The following PTPRT variants were observed in gnomAD, a reference collection of about 807,000 sequenced individuals.
PTPRT encodes the protein receptor-type tyrosine-protein phosphatase T.
Under a neutral mutation model 176.8 loss-of-function variants are expected in PTPRT, and 56 were observed. The ratio of observed to expected loss-of-function variants is 0.32; its 90% CI spans 0.26 to 0.40. PTPRT has a LOEUF of 0.40. PTPRT is among the 10% of genes least tolerant of loss of function. The pLI is 1.00. For missense variants in PTPRT, 1,540 were observed against 1,908.2 expected (o/e 0.81, Z 3.60); for synonymous variants, 783 against 739.0 (o/e 1.06, Z -0.96).
intron 3 of PTPRT, among the ~76,000 whole-genome samples, chr20:42,780,909 C>A (rs1463871235): frequency 6.6e-6 from 1 of 152,164 alleles, no homozygotes; most frequent in African/African-American, 2.4e-5. Flanking sequence ...CATCACTCAA[C>A]CTCTATCTTC....
chr20:42,942,091 C>G (rs1681561797), intron 1 of PTPRT, among the ~76,000 whole-genome samples: 2 of 152,232 alleles, frequency 1.3e-5, no homozygotes, highest in African/African-American at 4.8e-5. Flanking sequence ...AACACTATGG[C>G]TGTAGTTGGA....
At chr20:42,392,918 T>C (rs993030040) in intron 9 of PTPRT, among the ~76,000 whole-genome samples, 4 of 152,126 alleles carry the variant, frequency 2.6e-5, no homozygotes, top group Non-Finnish European at 5.9e-5. Flanking sequence ...AACAAGGAAG[T>C]CTTCAGAAAA....
chr20:42,453,173 G>C (rs576030957), intron 8 of PTPRT, among the ~76,000 whole-genome samples: 2 of 152,196 alleles, frequency 1.3e-5, no homozygotes, highest in Admixed American at 1.3e-4. Flanking sequence ...GAAGAATTTA[G>C]GAAGAGTTTT....
chr20:42,701,534 G>A (rs551614881), intron 6 of PTPRT, among the ~76,000 whole-genome samples: 3 of 152,248 alleles, frequency 2.0e-5, no homozygotes, highest in African/African-American at 7.2e-5. Flanking sequence ...GAAAGCCAGC[G>A]GAGAGAAGAA....
intron 7 of PTPRT, among the ~76,000 whole-genome samples, chr20:42,475,244 T>C (rs1034841226): frequency 4.6e-5 from 7 of 152,100 alleles, no homozygotes; most frequent in Non-Finnish European, 8.8e-5. Flanking sequence ...TGTGCAGGAA[T>C]TAGTACAGAG....
At chr20:42,589,806 T>C (rs182873258) in intron 7 of PTPRT, among the ~76,000 whole-genome samples, 25 of 152,296 alleles carry the variant, frequency 1.6e-4, no homozygotes, top group African/African-American at 6.0e-4. Flanking sequence ...TATAACCATC[T>C]TTTTTATCTT....
intron 2 of PTPRT, among the ~76,000 whole-genome samples, chr20:42,810,731 C>T (rs114158141): frequency 6.6e-6 from 1 of 152,326 alleles, no homozygotes; most frequent in African/African-American, 2.4e-5. Context: ...ACTTTCCCAG[C>T]AACTGAAACA....
chr20:42,205,185 C>A (rs2055425054), intron 15 of PTPRT, among the ~76,000 whole-genome samples: 1 of 151,988 alleles, frequency 6.6e-6, no homozygotes, highest in Non-Finnish European at 1.5e-5. Context: ...CAAAGTAGAA[C>A]TGCTTAGGTC....
chr20:42,946,717 T>C (rs1980904349), intron 1 of PTPRT, among the ~76,000 whole-genome samples: 1 of 152,138 alleles, frequency 6.6e-6, no homozygotes, highest in Admixed American at 6.6e-5. Context: ...TTGCCCTAAA[T>C]CTTCCCTTCT....
At chr20:42,086,747 A>ATATATATATATAT (rs59722053) in intron 27 of PTPRT, among the ~76,000 whole-genome samples, 12 of 58,752 alleles carry the variant, frequency 2.0e-4, no homozygotes, top group African/African-American at 9.3e-4. Context: ...AAAAAAAAAA[A>ATATATATATATAT]AAAAAAATAT....
chr20:42,632,068 T>C (rs950273173), intron 7 of PTPRT, among the ~76,000 whole-genome samples: 1 of 152,114 alleles, frequency 6.6e-6, no homozygotes, highest in African/African-American at 2.4e-5. Flanking sequence ...ACCCCAGGCC[T>C]ATGTGACTAG....
At chr20:42,109,667 C>CCACT (rs1473879475) in intron 23 of PTPRT, among the ~76,000 whole-genome samples, 2 of 152,156 alleles carry the variant, frequency 1.3e-5, no homozygotes, top group Non-Finnish European at 2.9e-5. Context: ...TGAAATATCC[C>CCACT]CACTCTGTGT....
chr20:43,004,659 C>A (rs1017442202), intron 1 of PTPRT, among the ~76,000 whole-genome samples: 1 of 152,168 alleles, frequency 6.6e-6, no homozygotes, highest in Non-Finnish European at 1.5e-5. Flanking sequence ...GTATGAAGAT[C>A]TTCCTCACAG....
chr20:42,518,950 G>C (rs976240965), intron 7 of PTPRT, among the ~76,000 whole-genome samples: 1 of 152,010 alleles, frequency 6.6e-6, no homozygotes, highest in Non-Finnish European at 1.5e-5. Flanking sequence ...ATGCTGTTGT[G>C]AGAAATAATA....
chr20:42,591,921 T>C (rs1454181308), intron 7 of PTPRT, among the ~76,000 whole-genome samples: 1 of 151,896 alleles, frequency 6.6e-6, no homozygotes, highest in African/African-American at 2.4e-5. Flanking sequence ...AACTTCGTTC[T>C]TAGTCTCTGT....
At chr20:42,403,637 C>T (rs1600965683) in intron 9 of PTPRT, among the ~76,000 whole-genome samples, 1 of 152,102 alleles carries the variant, frequency 6.6e-6, no homozygotes, top group East Asian at 1.9e-4. Context: ...CATCATAATA[C>T]CTTGGGCAAC....
intron 1 of PTPRT, among the ~76,000 whole-genome samples, chr20:43,142,694 C>T (rs1443354304): frequency 6.6e-6 from 1 of 152,318 alleles, no homozygotes; most frequent in Admixed American, 6.5e-5. Context: ...AAATAATTAG[C>T]ATTCATGCTG....
At chr20:42,332,884 A>T (rs67355107) in intron 11 of PTPRT, among the ~76,000 whole-genome samples, 2,898 of 152,360 alleles carry the variant, frequency 0.019, 83 homozygotes, top group African/African-American at 0.065. Flanking sequence ...TGGAATTTTT[A>T]AAATAAATCC....
At chr20:43,106,079 A>G (rs553707131) in intron 1 of PTPRT, among the ~76,000 whole-genome samples, 2 of 152,270 alleles carry the variant, frequency 1.3e-5, no homozygotes, top group Admixed American at 1.3e-4. Context: ...GCCCCAGACC[A>G]AACAAAAGAT....
Sources: allele counts gnomAD v4.1 joint callset (sites outside exome capture counted in the v4.1 genomes callset), GRCh38; gene constraint gnomAD v4.1.1; transcripts MANE v1.5; gene names NCBI Gene and HGNC (gene_info 2026-07-23, HGNC 2026-07-21).